The following PKIG variants were observed in gnomAD, a reference collection of about 807,000 sequenced individuals.
The protein encoded by PKIG is protein kinase (cAMP-dependent, catalytic) inhibitor gamma.
A neutral mutation model predicts 6.8 loss-of-function variants in PKIG; 1 was observed. That is an observed-to-expected ratio of 0.15 (90% CI 0.05 to 0.69). PKIG has a LOEUF of 0.69. PKIG is among the 30% of genes least tolerant of loss of function. The probability of loss-of-function intolerance (pLI) is 0.82; values close to 1 mark genes in which losing one functional copy is unlikely to be tolerated. For missense variants in PKIG, 77 were observed against 104.0 expected (o/e 0.74, Z 1.13); for synonymous variants, 39 against 43.0 (o/e 0.91, Z 0.36).
rs931674692 is a variant in PKIG, at chr20:44,549,134, A to G, written c.-241+17156A>G. ...CTTGCCTTTTGGATTTGACTTTTTA[A>G]AAGTTTGATTTTTGCTTTTTCAGAT... is the stretch of plus-strand genomic sequence containing the variant. On this transcript the variant is annotated intron_variant, in intron 1 of 4. Coordinates refer to the PKIG transcript ENST00000372887. Among the ~76,000 whole-genome samples, 34 of 152,214 alleles carry G rather than the reference A, an allele frequency of 2.2e-4. 1 individual carries two copies. The highest frequency in any genetic ancestry group is 7.5e-4 in the African/African-American group (31 of 41,450).
At chr20:44,547,046 C>T (rs1232150439) in intron 1 of PKIG, among the ~76,000 whole-genome samples, 5 of 152,294 alleles carry the variant, frequency 3.3e-5, no homozygotes, top group Non-Finnish European at 7.4e-5. Context: ...AAACTCTTAG[C>T]TTGTTGAGGA....
In PKIG at chr20:44,532,606, T is replaced by C. The variant is rs1207895235; in HGVS notation, c.-241+628T>C. Among the ~76,000 whole-genome samples the C allele has an allele frequency of 2.0e-5, 3 of 152,290 alleles. No homozygotes were observed. In the East Asian group the frequency reaches 5.8e-4, roughly 29 times the overall value. On this transcript the variant is annotated intron_variant, in intron 1 of 4. Coordinates refer to the PKIG transcript ENST00000372887. ...GAGGAGACAGACTCGTAAACAAGAA[T>C]TCACAGTGATTCCGGTTATGATTTT... is the stretch of plus-strand genomic sequence containing the variant.
chr20:44,573,726 A>G (rs1008880272), intron 1 of PKIG, among the ~76,000 whole-genome samples: 2 of 152,260 alleles, frequency 1.3e-5, no homozygotes, highest in African/African-American at 4.8e-5. Flanking sequence ...CTTGCCTTGC[A>G]GGAGTGTTAG....
chr20:44,554,105 T>G (rs1053486595), intron 1 of PKIG, among the ~76,000 whole-genome samples: 4 of 152,022 alleles, frequency 2.6e-5, no homozygotes, highest in African/African-American at 9.7e-5. Flanking sequence ...AGAATCTTGC[T>G]CTGTCGCCCA....
At chr20:44,558,615 TCATTCTTTCTTTTTCA>T (rs2064739282) in intron 1 of PKIG, among the ~76,000 whole-genome samples, 4 of 82,628 alleles carry the variant, frequency 4.8e-5, no homozygotes, top group Admixed American at 4.5e-4. Flanking sequence ...TCTTTCTTTC[TCATTCTTTCTTTTTCA>T]TTCTTTCTTT....
chr20:44,558,632 TTC>T (rs2064739939), intron 1 of PKIG, among the ~76,000 whole-genome samples: 2 of 139,140 alleles, frequency 1.4e-5, no homozygotes, highest in African/African-American at 5.9e-5. Flanking sequence ...TTCTTTTTCA[TTC>T]TTTCTTTTTT....
chr20:44,566,300 T>C (rs2064810075), intron 1 of PKIG, among the ~76,000 whole-genome samples: 1 of 152,124 alleles, frequency 6.6e-6, no homozygotes, highest in South Asian at 2.1e-4. Context: ...CCACAAAGCC[T>C]GAAGTACTTA....
At chr20:44,560,577 T>C (rs2064757613) in intron 1 of PKIG, among the ~76,000 whole-genome samples, 1 of 152,212 alleles carries the variant, frequency 6.6e-6, no homozygotes, top group Non-Finnish European at 1.5e-5. Flanking sequence ...TCTTCATATA[T>C]GAGGACAGAA....
At chr20:44,545,716 G>A (rs1221921872) in intron 1 of PKIG, among the ~76,000 whole-genome samples, 1 of 152,130 alleles carries the variant, frequency 6.6e-6, no homozygotes, top group African/African-American at 2.4e-5. Flanking sequence ...TTGGGAGGCT[G>A]AAGTGGGAGG....
At chr20:44,540,227 C>A (rs2064549059) in intron 1 of PKIG, among the ~76,000 whole-genome samples, 1 of 152,202 alleles carries the variant, frequency 6.6e-6, no homozygotes, top group African/African-American at 2.4e-5. Flanking sequence ...TCCCAAAGTG[C>A]TGGGATTACA....
intron 3 of PKIG, 67 bp from the exon 4 acceptor site, chr20:44,618,218 C>T (rs2065287501): frequency 9.4e-7 from 1 of 1,066,272 alleles, no homozygotes; most frequent in East Asian, 2.4e-5. Context: ...TGGGCCCTTT[C>T]ACACCTCCTT....
upstream of PKIG, among the ~76,000 whole-genome samples, chr20:44,581,796 T>A (rs2064950553): frequency 6.6e-6 from 1 of 152,214 alleles, no homozygotes; most frequent in Non-Finnish European, 1.5e-5. Flanking sequence ...CTCTGACTTC[T>A]CCAGGGTTCT....
At chr20:44,542,233 G>A (rs2064568422) in intron 1 of PKIG, among the ~76,000 whole-genome samples, 1 of 152,088 alleles carries the variant, frequency 6.6e-6, no homozygotes, top group African/African-American at 2.4e-5. Flanking sequence ...CTTGGGCAAG[G>A]TCTCTGAGTC....
chr20:44,535,039 A>G (rs2064500083), intron 1 of PKIG, among the ~76,000 whole-genome samples: 1 of 152,248 alleles, frequency 6.6e-6, no homozygotes, highest in Non-Finnish European at 1.5e-5. Context: ...CTAAGTGAAC[A>G]GCAGTTATAA....
chr20:44,616,971 G>C (rs563656515), intron 3 of PKIG, among the ~76,000 whole-genome samples: 2 of 152,220 alleles, frequency 1.3e-5, no homozygotes, highest in East Asian at 3.8e-4. Flanking sequence ...CTTCAGGAAT[G>C]CTGCTTATTG....
chr20:44,600,430 G>A (rs545170150), intron 2 of PKIG, among the ~76,000 whole-genome samples: 1 of 152,330 alleles, frequency 6.6e-6, no homozygotes, highest in African/African-American at 2.4e-5. Flanking sequence ...GGCTAGGGGT[G>A]AGAGAGACAC....
At chr20:44,550,547 G>A (rs1050656560) in intron 1 of PKIG, among the ~76,000 whole-genome samples, 1 of 152,076 alleles carries the variant, frequency 6.6e-6, no homozygotes, top group African/African-American at 2.4e-5. Flanking sequence ...CGCAAAAATT[G>A]CCCTTGTTTG....
chr20:44,600,672 CCT>C (rs1421444521), intron 2 of PKIG, among the ~76,000 whole-genome samples: 2 of 151,744 alleles, frequency 1.3e-5, no homozygotes, highest in Non-Finnish European at 1.5e-5. Context: ...ATCGTAAGAC[CCT>C]GTCTCTACAA....
At chr20:44,542,687 G>T (rs1486067776) in intron 1 of PKIG, among the ~76,000 whole-genome samples, 3 of 151,980 alleles carry the variant, frequency 2.0e-5, no homozygotes, top group African/African-American at 7.2e-5. Flanking sequence ...CCGCCTCCTG[G>T]GTTCAAGCAA....
Sources: allele counts gnomAD v4.1 joint callset (sites outside exome capture counted in the v4.1 genomes callset), GRCh38; gene constraint gnomAD v4.1.1; transcripts MANE v1.5; gene names NCBI Gene and HGNC (gene_info 2026-07-23, HGNC 2026-07-21).